The following ATP8A2 variants were observed in gnomAD, a reference collection of about 807,000 sequenced individuals.
ATP8A2 encodes ATPase phospholipid transporting 8A2.
Under a neutral mutation model 165.6 loss-of-function variants are expected in ATP8A2, and 100 were observed. The observed-to-expected ratio is 0.60, with a 90% confidence interval of 0.51 to 0.71. The LOEUF (loss-of-function observed/expected upper bound fraction) is 0.71. Among genes scored for constraint, ATP8A2 ranks in the 30% least tolerant of loss-of-function variants. The probability of loss-of-function intolerance (pLI) is 0.00; values close to 1 mark genes in which losing one functional copy is unlikely to be tolerated. For missense variants in ATP8A2, 1,227 were observed against 1,479.5 expected (o/e 0.83, Z 2.80); for synonymous variants, 543 against 548.8 (o/e 0.99, Z 0.15).
At chr13:25,825,185 C>A (rs2138587085) in intron 27 of ATP8A2, among the ~76,000 whole-genome samples, 1 of 101,068 alleles carries the variant, frequency 9.9e-6, no homozygotes, top group African/African-American at 3.9e-5. Flanking sequence ...GAGACAGGGT[C>A]TCACTCCATA....
chr13:25,627,224 A>G lies in ATP8A2; in HGVS notation c.2211+37525A>G, dbSNP rs374921721. On this transcript the variant is annotated intron_variant, in intron 24 of 36. Transcript: ENST00000381655. ...CCAAGGTGGTACAGTGGCAGAATAC[A>G]TAGGAGGTGGTGTGGCAGAGCCTCA... Among the ~76,000 whole-genome samples the G allele has an allele frequency of 7.9e-5, 12 of 152,250 alleles. No homozygotes were observed. In the South Asian group the frequency reaches 2.5e-3, roughly 32 times the overall value.
intron 1 of ATP8A2, among the ~76,000 whole-genome samples, chr13:25,415,548 T>C (rs184995914): frequency 6.6e-6 from 1 of 152,314 alleles, no homozygotes; most frequent in Non-Finnish European, 1.5e-5. Flanking sequence ...TTTTTTAGTT[T>C]TATGTAGACG....
At chr13:25,579,203 A>G (rs1162753084) in intron 21 of ATP8A2, among the ~76,000 whole-genome samples, 3 of 152,198 alleles carry the variant, frequency 2.0e-5, no homozygotes, top group Non-Finnish European at 4.4e-5. Flanking sequence ...TCCTTATGTC[A>G]CTGGCTTATC....
At chr13:25,777,894 C>G (rs1162956799) in intron 27 of ATP8A2, among the ~76,000 whole-genome samples, 1 of 152,232 alleles carries the variant, frequency 6.6e-6, no homozygotes, top group Non-Finnish European at 1.5e-5. Context: ...GTTCCCTCCA[C>G]TCTCGCCCCC....
At position 25,928,031 on chromosome 13, in the gene ATP8A2, C is replaced by G. The variant is rs987786508; in HGVS notation, c.3184-33544C>G. 3.9e-5 allele frequency among the ~76,000 whole-genome samples: 6 copies of G among 152,196 alleles called. No individual in the cohort carries two copies. The East Asian group carries it at 1.2e-3, about 29-fold the overall frequency. Reference sequence around the variant, plus strand: ...CATGAAGGTTGAAAAAATAAACATCCTAGACTATTTCCTCTGAATGGAAAT... The same window carrying G: ...CATGAAGGTTGAAAAAATAAACATCGTAGACTATTTCCTCTGAATGGAAAT... On this transcript the variant is annotated intron_variant, in intron 33 of 36. Transcript: ENST00000381655.
At chr13:25,593,897 A>G (rs1366993533) in intron 24 of ATP8A2, among the ~76,000 whole-genome samples, 2 of 152,264 alleles carry the variant, frequency 1.3e-5, no homozygotes, top group Non-Finnish European at 2.9e-5. Context: ...GGATAACAAC[A>G]TTGTAAGCAG....
At chr13:25,794,794 A>G (rs1041568521) in intron 27 of ATP8A2, among the ~76,000 whole-genome samples, 14 of 148,828 alleles carry the variant, frequency 9.4e-5, no homozygotes, top group African/African-American at 3.5e-4. Flanking sequence ...TGATATTGAA[A>G]TTCTGCCCCA....
intron 24 of ATP8A2, among the ~76,000 whole-genome samples, chr13:25,625,751 A>G (rs2041084242): frequency 6.6e-6 from 1 of 151,698 alleles, no homozygotes; most frequent in Non-Finnish European, 1.5e-5. Flanking sequence ...GAATAACTAG[A>G]AATTTCAAAA....
intron 33 of ATP8A2, among the ~76,000 whole-genome samples, chr13:25,886,427 G>A (rs1036155027): frequency 2.0e-5 from 3 of 152,216 alleles, no homozygotes; most frequent in Non-Finnish European, 4.4e-5. Flanking sequence ...AGGGAGGTGT[G>A]CCTCTGCTTT....
intron 18 of ATP8A2, among the ~76,000 whole-genome samples, chr13:25,572,683 T>C (rs1429086088): frequency 6.6e-6 from 1 of 152,188 alleles, no homozygotes; most frequent in Non-Finnish European, 1.5e-5. Context: ...TGTTTTATTG[T>C]TGTCTGCATT....
chr13:25,733,081 T>C (rs1443007823), intron 25 of ATP8A2, among the ~76,000 whole-genome samples: 1 of 152,234 alleles, frequency 6.6e-6, no homozygotes, highest in East Asian at 1.9e-4. Context: ...GATGAAATAC[T>C]ACAGAAGATG....
At chr13:25,853,685 A>T (rs754325629) in intron 30 of ATP8A2, among the ~76,000 whole-genome samples, 37 of 152,100 alleles carry the variant, frequency 2.4e-4, no homozygotes, top group Non-Finnish European at 4.4e-4. Flanking sequence ...GGGCTAATGT[A>T]GGTGGGACTT....
chr13:25,626,785 C>G (rs1329526803), intron 24 of ATP8A2, among the ~76,000 whole-genome samples: 2 of 152,088 alleles, frequency 1.3e-5, no homozygotes, highest in Non-Finnish European at 2.9e-5. Flanking sequence ...CTCACAGTCC[C>G]ATATGGCTGG....
intron 27 of ATP8A2, among the ~76,000 whole-genome samples, chr13:25,813,805 G>A (rs1181339273): frequency 3.3e-5 from 5 of 152,118 alleles, no homozygotes. Context: ...ATCTAAATAG[G>A]GAGACTGAGG....
At chr13:25,461,183 T>G (rs1168394685) in intron 1 of ATP8A2, among the ~76,000 whole-genome samples, 3 of 152,224 alleles carry the variant, frequency 2.0e-5, no homozygotes, top group African/African-American at 4.8e-5. Flanking sequence ...TTATTTCTTT[T>G]GAATTCTTGG....
intron 36 of ATP8A2, among the ~76,000 whole-genome samples, chr13:26,017,969 A>T (rs1957019115): frequency 6.6e-6 from 1 of 152,156 alleles, no homozygotes; most frequent in African/African-American, 2.4e-5. Flanking sequence ...AGTAGACAAA[A>T]GCCCCCTGTG....
intron 15 of ATP8A2, among the ~76,000 whole-genome samples, chr13:25,562,339 T>TTTTG (rs2039181948): frequency 6.6e-6 from 1 of 152,238 alleles, no homozygotes; most frequent in African/African-American, 2.4e-5. Context: ...TATGAAGTGG[T>TTTTG]ACCTTATCAT....
chr13:25,678,062 A>G (rs1266054870), intron 24 of ATP8A2, among the ~76,000 whole-genome samples: 1 of 152,222 alleles, frequency 6.6e-6, no homozygotes, highest in Non-Finnish European at 1.5e-5. Context: ...ATGACTCATG[A>G]TAGCTCAGAC....
At chr13:25,665,057 A>G (rs1490534124) in intron 24 of ATP8A2, among the ~76,000 whole-genome samples, 1 of 151,780 alleles carries the variant, frequency 6.6e-6, no homozygotes, top group Non-Finnish European at 1.5e-5. Flanking sequence ...TCCAGAGCCC[A>G]GATGTACAAG....
Sources: gnomAD v4.1 joint callset for allele counts (sites outside exome capture counted in the v4.1 genomes callset) on GRCh38, gnomAD v4.1.1 for gene constraint, MANE v1.5 for transcripts, NCBI Gene and HGNC (gene_info 2026-07-23, HGNC 2026-07-21) for gene names.